The following GALNT14 variants were observed in gnomAD, a reference collection of about 807,000 sequenced individuals.
GALNT14 encodes the protein polypeptide N-acetylgalactosaminyltransferase 14, also known as UDP-GalNAc:polypeptide N-acetylgalactosaminyltransferase 14.
GALNT14 carries 60 observed loss-of-function variants against 77.5 expected under a neutral mutation model. The ratio of observed to expected loss-of-function variants is 0.77; its 90% CI spans 0.63 to 0.96. GALNT14 has a LOEUF of 0.96. GALNT14 is among the 40% of genes least tolerant of loss of function. The probability of loss-of-function intolerance (pLI) is 0.00; values close to 1 mark genes in which losing one functional copy is unlikely to be tolerated. For missense variants in GALNT14, 710 were observed against 731.0 expected (o/e 0.97, Z 0.33); for synonymous variants, 280 against 281.7 (o/e 0.99, Z 0.06).
chr2:31,053,159 C>T (rs1429451422), intron 1 of GALNT14, among the ~76,000 whole-genome samples: 1 of 152,182 alleles, frequency 6.6e-6, no homozygotes, highest in East Asian at 1.9e-4. Flanking sequence ...GACCTATATG[C>T]CTGTGCTGGT....
At chr2:30,904,971 G>T in the GALNT14 span, among the ~76,000 whole-genome samples, 1 of 151,688 alleles carries the variant, frequency 6.6e-6, no homozygotes, top group Non-Finnish European at 1.5e-5. Flanking sequence ...CACACGGCAG[G>T]GTATTCCAAC....
At chr2:30,965,568 A>G (rs2148341166) in intron 3 of GALNT14, among the ~76,000 whole-genome samples, 1 of 152,100 alleles carries the variant, frequency 6.6e-6, no homozygotes, top group Admixed American at 6.5e-5. Context: ...TCTGCTAGGG[A>G]CTGGCACTGG....
intron 1 of GALNT14, among the ~76,000 whole-genome samples, chr2:31,035,835 A>T (rs1484979078): frequency 6.6e-6 from 1 of 152,078 alleles, no homozygotes; most frequent in Non-Finnish European, 1.5e-5. Context: ...CTAGAGGGTA[A>T]CAATAGACAC....
intron 1 of GALNT14, among the ~76,000 whole-genome samples, chr2:31,067,904 G>A (rs1190769949): frequency 6.6e-6 from 1 of 152,214 alleles, no homozygotes; most frequent in African/African-American, 2.4e-5. Flanking sequence ...GTGACCTACA[G>A]TCTTGGGGAG....
intron 1 of GALNT14, among the ~76,000 whole-genome samples, chr2:31,033,790 C>T (rs1672554822): frequency 6.6e-6 from 1 of 152,162 alleles, no homozygotes; most frequent in Admixed American, 6.5e-5. Flanking sequence ...AGTTCTGACA[C>T]TAATTTCTCT....
intron 1 of GALNT14, among the ~76,000 whole-genome samples, chr2:31,076,803 TAAAG>T (rs1170821225): frequency 6.6e-6 from 1 of 152,052 alleles, no homozygotes; most frequent in African/African-American, 2.4e-5. Context: ...CTTTTAAGAA[TAAAG>T]AAAGGCACTG....
At chr2:31,010,966 A>G (rs1404684429) in intron 1 of GALNT14, among the ~76,000 whole-genome samples, 2 of 152,224 alleles carry the variant, frequency 1.3e-5, no homozygotes, top group African/African-American at 4.8e-5. Context: ...AAAAGAGAAG[A>G]CCAGCAAGGG....
At chr2:31,053,338 G>A (rs567002639) in intron 1 of GALNT14, among the ~76,000 whole-genome samples, 12 of 152,148 alleles carry the variant, frequency 7.9e-5, no homozygotes, top group Admixed American at 2.0e-4. Flanking sequence ...CAGTTATAAC[G>A]CCTGAACCCT....
intron 9 of GALNT14, among the ~76,000 whole-genome samples, chr2:30,934,767 C>G (rs900839523): frequency 6.6e-6 from 1 of 152,216 alleles, no homozygotes; most frequent in African/African-American, 2.4e-5. Context: ...TGCCTCTGAG[C>G]ATTTTCCTGA....
intron 1 of GALNT14, among the ~76,000 whole-genome samples, chr2:31,054,689 G>A (rs1674100876): frequency 6.6e-6 from 1 of 152,158 alleles, no homozygotes; most frequent in African/African-American, 2.4e-5. Flanking sequence ...AGCCTAACAG[G>A]CTTCATTTGT....
At chr2:30,976,621 A>ATGTG (rs907270186) in intron 2 of GALNT14, among the ~76,000 whole-genome samples, 5 of 139,792 alleles carry the variant, frequency 3.6e-5, no homozygotes, top group East Asian at 2.5e-4. Flanking sequence ...GCGTGTGTGT[A>ATGTG]TGTGTGTGTG....
intron 1 of GALNT14, among the ~76,000 whole-genome samples, chr2:31,043,164 C>T (rs925759033): frequency 1.3e-5 from 2 of 152,134 alleles, no homozygotes; most frequent in African/African-American, 4.8e-5. Context: ...ACATATGTCT[C>T]CCAGATATCT....
chr2:30,917,127 C>T (rs959295664), intron 13 of GALNT14, among the ~76,000 whole-genome samples: 1 of 147,670 alleles, frequency 6.8e-6, no homozygotes, highest in Non-Finnish European at 1.5e-5. Context: ...GAGGACGAGC[C>T]TGGGCCCAGG....
chr2:31,100,711 A>C (rs1257078565), intron 1 of GALNT14, among the ~76,000 whole-genome samples: 1 of 151,988 alleles, frequency 6.6e-6, no homozygotes, highest in Non-Finnish European at 1.5e-5. Flanking sequence ...TTAAAAAAAA[A>C]AAAATACCTG....
intron 1 of GALNT14, among the ~76,000 whole-genome samples, chr2:31,122,747 T>C (rs1678476609): frequency 6.6e-6 from 1 of 152,208 alleles, no homozygotes; most frequent in Admixed American, 6.5e-5. Context: ...TTGTTTTCTA[T>C]AAAAATATAC....
chr2:31,101,899 A>G (rs1677297697), intron 1 of GALNT14, among the ~76,000 whole-genome samples: 1 of 151,970 alleles, frequency 6.6e-6, no homozygotes, highest in Non-Finnish European at 1.5e-5. Context: ...TTCTCATGAG[A>G]GCCGATGGTT....
At chr2:31,057,450 G>GTATA (rs150471338) in intron 1 of GALNT14, among the ~76,000 whole-genome samples, 11 of 139,890 alleles carry the variant, frequency 7.9e-5, no homozygotes, top group African/African-American at 1.8e-4. Context: ...GCTGTTGCAG[G>GTATA]TATATATATA....
At chr2:31,038,190 G>T (rs1287060448) in intron 1 of GALNT14, among the ~76,000 whole-genome samples, 1 of 146,738 alleles carries the variant, frequency 6.8e-6, no homozygotes, top group Non-Finnish European at 1.5e-5. Flanking sequence ...CGCCTCCCAG[G>T]TTCAAGTGAT....
intron 3 of GALNT14, among the ~76,000 whole-genome samples, chr2:30,958,808 GAT>G (rs1667519685): frequency 2.0e-5 from 3 of 152,134 alleles, no homozygotes; most frequent in Non-Finnish European, 1.5e-5. Flanking sequence ...TCTCTCCCCT[GAT>G]TTAACCTCTT....
Sources: gnomAD v4.1 joint callset for allele counts (sites outside exome capture counted in the v4.1 genomes callset) on GRCh38, gnomAD v4.1.1 for gene constraint, MANE v1.5 for transcripts, NCBI Gene and HGNC (gene_info 2026-07-23, HGNC 2026-07-21) for gene names.